The following SLC2A13 variants were observed in gnomAD, a reference collection of about 807,000 sequenced individuals.
SLC2A13 encodes the protein solute carrier family 2 member 13.
SLC2A13 carries 32 observed loss-of-function variants against 64.4 expected under a neutral mutation model. That is an observed-to-expected ratio of 0.50 (90% CI 0.37 to 0.67). SLC2A13 has a LOEUF of 0.67. SLC2A13 is among the 30% of genes least tolerant of loss of function. SLC2A13 has a pLI of 0.00. For missense variants in SLC2A13, 743 were observed against 829.2 expected (o/e 0.90, Z 1.28); for synonymous variants, 338 against 327.1 (o/e 1.03, Z -0.36).
At chr12:40,050,904 T>C (rs561552972) in intron 1 of SLC2A13, among the ~76,000 whole-genome samples, 1 of 152,260 alleles carries the variant, frequency 6.6e-6, no homozygotes, top group Non-Finnish European at 1.5e-5. Context: ...AACTACTTCA[T>C]AGGAGTTGAG....
intron 5 of SLC2A13, among the ~76,000 whole-genome samples, chr12:39,870,827 G>T (rs1370742453): frequency 4.6e-5 from 7 of 152,168 alleles, no homozygotes; most frequent in Non-Finnish European, 1.0e-4. Flanking sequence ...TGGAATGAGG[G>T]TCAGGAGAGG....
chr12:39,901,952 T>C (rs1044945632), intron 4 of SLC2A13, among the ~76,000 whole-genome samples: 1 of 151,982 alleles, frequency 6.6e-6, no homozygotes. Flanking sequence ...AAAATGTCCA[T>C]CAATGATAGA....
At chr12:40,031,233 TA>T (rs758101436) in intron 2 of SLC2A13, among the ~76,000 whole-genome samples, 9 of 151,618 alleles carry the variant, frequency 5.9e-5, no homozygotes, top group Admixed American at 1.3e-4. Context: ...TTTATTTATT[TA>T]TTTTTTTAGA....
chr12:40,079,809 T>G (rs1254495538), intron 1 of SLC2A13, among the ~76,000 whole-genome samples: 1 of 152,232 alleles, frequency 6.6e-6, no homozygotes, highest in African/African-American at 2.4e-5. Context: ...ATACTTAAGA[T>G]AGTTAAGACT....
intron 3 of SLC2A13, among the ~76,000 whole-genome samples, chr12:40,026,507 C>G (rs1947809852): frequency 6.6e-6 from 1 of 152,158 alleles, no homozygotes; most frequent in Non-Finnish European, 1.5e-5. Context: ...ATGTCTAAAA[C>G]TCAAATAGGA....
chr12:39,900,914 C>A (rs1447189895), intron 4 of SLC2A13, among the ~76,000 whole-genome samples: 1 of 152,194 alleles, frequency 6.6e-6, no homozygotes, highest in Non-Finnish European at 1.5e-5. Context: ...AAGCTGGAGG[C>A]ATCACGCTAC....
At chr12:39,787,823 A>G (rs182707822) in intron 7 of SLC2A13, among the ~76,000 whole-genome samples, 1 of 152,320 alleles carries the variant, frequency 6.6e-6, no homozygotes, top group African/African-American at 2.4e-5. Flanking sequence ...TAAAAATCAG[A>G]AAGGCCAAAT....
intron 2 of SLC2A13, among the ~76,000 whole-genome samples, chr12:40,038,549 G>A (rs1287961727): frequency 6.6e-6 from 1 of 151,878 alleles, no homozygotes; most frequent in Non-Finnish European, 1.5e-5. Context: ...GGGCAACATG[G>A]TAAAACCCTG....
intron 4 of SLC2A13, among the ~76,000 whole-genome samples, chr12:39,928,000 T>A (rs1187217952): frequency 6.6e-6 from 1 of 152,222 alleles, no homozygotes; most frequent in African/African-American, 2.4e-5. Context: ...ATAAGCTTGG[T>A]ATGAAGTATT....
At chr12:39,871,268 T>A (rs1566888154) in intron 5 of SLC2A13, among the ~76,000 whole-genome samples, 1 of 152,198 alleles carries the variant, frequency 6.6e-6, no homozygotes, top group Non-Finnish European at 1.5e-5. Context: ...AGAAAATACA[T>A]TTAACCAACC....
chr12:39,888,350 G>A (rs142814649), intron 4 of SLC2A13, among the ~76,000 whole-genome samples: 5,199 of 152,226 alleles, frequency 0.034, 114 homozygotes, highest in Non-Finnish European at 0.051. Context: ...TCAGCTTCCC[G>A]AGCAGCTGGG....
chr12:39,755,903 C>T lies in SLC2A13; in HGVS notation c.*4123G>A, dbSNP rs1035753492. On this transcript the variant is annotated 3_prime_UTR_variant, in exon 10 of 10. Coordinates refer to ENST00000280871, the MANE Select transcript of SLC2A13 (RefSeq NM_052885.4). ...GAACATCAACACTCTTATAAAACACCTCTTTGATGATTACTGGCACACAAA... is the reference window on the plus strand; with the variant it reads ...GAACATCAACACTCTTATAAAACACTTCTTTGATGATTACTGGCACACAAA... 1 of 151,896 alleles carries T rather than the reference C, an allele frequency of 6.6e-6. No individual in the cohort carries two copies. Among genetic ancestry groups the T allele is most frequent in the African/African-American group, 2.4e-5 (1 of 41,368 alleles). The allele number at this position is 151,896 out of a possible 1,614,324, so 9.4% of individuals were successfully genotyped here.
chr12:39,897,769 T>G (rs1368543939), intron 4 of SLC2A13, among the ~76,000 whole-genome samples: 1 of 152,186 alleles, frequency 6.6e-6, no homozygotes, highest in East Asian at 1.9e-4. Flanking sequence ...TAAAAAATCA[T>G]TTTCCTTCAT....
At chr12:40,083,467 C>G (rs1208946775) in intron 1 of SLC2A13, among the ~76,000 whole-genome samples, 1 of 152,156 alleles carries the variant, frequency 6.6e-6, no homozygotes, top group Non-Finnish European at 1.5e-5. Flanking sequence ...TCTCTAGACC[C>G]CAGGGATCCC....
intron 4 of SLC2A13, among the ~76,000 whole-genome samples, chr12:39,882,064 T>C (rs925846170): frequency 3.3e-5 from 5 of 152,196 alleles, no homozygotes; most frequent in Non-Finnish European, 7.3e-5. Context: ...ACTGACATAA[T>C]ATGTCACTCT....
At chr12:39,902,289 A>G (rs911015425) in intron 4 of SLC2A13, among the ~76,000 whole-genome samples, 2 of 152,010 alleles carry the variant, frequency 1.3e-5, no homozygotes, top group Non-Finnish European at 2.9e-5. Flanking sequence ...ATGTATACAT[A>G]TGTAACTAAC....
chr12:39,883,744 T>A (rs539138318), intron 4 of SLC2A13, among the ~76,000 whole-genome samples: 1 of 152,146 alleles, frequency 6.6e-6, no homozygotes, highest in South Asian at 2.1e-4. Flanking sequence ...TAGAGCTTGG[T>A]CACAAAAATG....
intron 3 of SLC2A13, among the ~76,000 whole-genome samples, chr12:40,012,456 C>A (rs764575000): frequency 6.6e-6 from 1 of 152,140 alleles, no homozygotes; most frequent in Non-Finnish European, 1.5e-5. Context: ...GGTGTAGAAA[C>A]TGGAAGTGTT....
At chr12:39,927,468 T>A (rs915284307) in intron 4 of SLC2A13, among the ~76,000 whole-genome samples, 1 of 152,178 alleles carries the variant, frequency 6.6e-6, no homozygotes, top group African/African-American at 2.4e-5. Context: ...ACTAAATATG[T>A]AACAATACAA....
Sources: allele counts gnomAD v4.1 joint callset (sites outside exome capture counted in the v4.1 genomes callset), GRCh38; gene constraint gnomAD v4.1.1; transcripts MANE v1.5; gene names NCBI Gene and HGNC (gene_info 2026-07-23, HGNC 2026-07-21).